CNTNAP3: variants seen among roughly 807,000 people sequenced by gnomAD.
CNTNAP3 encodes the protein contactin-associated protein-like 3.
Under a neutral mutation model 92.1 loss-of-function variants are expected in CNTNAP3, and 36 were observed. The ratio of observed to expected loss-of-function variants is 0.39; its 90% CI spans 0.30 to 0.52. The LOEUF (loss-of-function observed/expected upper bound fraction) is 0.52. Ranked by LOEUF, CNTNAP3 falls within the 20% of genes least tolerant of loss-of-function variation. The probability of loss-of-function intolerance (pLI) is 0.76; values close to 1 mark genes in which losing one functional copy is unlikely to be tolerated. For synonymous variants in CNTNAP3, 232 were observed against 422.3 expected, an observed-to-expected ratio of 0.55 and a Z score of 5.53; for missense variants, 534 against 1,069.6, an observed-to-expected ratio of 0.50 and a Z score of 6.98.
At chr9:39,130,411 A>T (rs144215995) in intron 13 of CNTNAP3, among the ~76,000 whole-genome samples, 2,730 of 151,954 alleles carry the variant, frequency 0.018, 52 homozygotes, top group East Asian at 0.11. Flanking sequence ...ATATAATTTC[A>T]TTTACATAAC....
chr9:39,159,211 C>T (rs929252056), intron 9 of CNTNAP3: 2 of 150,140 alleles, frequency 1.3e-5, no homozygotes, highest in Non-Finnish European at 3.0e-5. Flanking sequence ...CTTCCCATTT[C>T]TGTCGCTGTG....
intron 15 of CNTNAP3, among the ~76,000 whole-genome samples, chr9:39,104,840 G>T (rs1405339265): frequency 1.3e-5 from 2 of 152,144 alleles, no homozygotes; most frequent in Non-Finnish European, 1.5e-5. Context: ...GCAGCAGCAG[G>T]CAGCAATGCT....
chr9:39,094,581 C>A (rs1247002900), intron 18 of CNTNAP3, among the ~76,000 whole-genome samples: 3 of 151,480 alleles, frequency 2.0e-5, no homozygotes, highest in Non-Finnish European at 4.4e-5. Flanking sequence ...ACTTTTCCTA[C>A]CTTTATGTTG....
rs144907844 is a variant in CNTNAP3, at chr9:39,126,518, T to A, written c.2080+6414A>T. ...AAAGTAAACTGCAAACAAATATCTCTCTTGAACATGGATGAAGCAATCCTT... is the reference window on the plus strand; with the variant it reads ...AAAGTAAACTGCAAACAAATATCTCACTTGAACATGGATGAAGCAATCCTT... On this transcript the variant is annotated intron_variant, in intron 13 of 23. Transcript: ENST00000297668. Among the ~76,000 whole-genome samples, 4 of 152,266 alleles carry A rather than the reference T, an allele frequency of 2.6e-5. No homozygotes were observed. In the East Asian group the frequency reaches 7.7e-4, roughly 29 times the overall value.
In CNTNAP3 at chr9:39,079,298, C is replaced by T. The variant is rs1825874347; in HGVS notation, c.3443-378G>A. ...TCACAGCCAATAATCCGGAGGATTA[C>T]AGAAAAGCGACTCTTGGAGATGAGG... is the stretch of plus-strand genomic sequence containing the variant. On this transcript the variant is annotated intron_variant, in intron 21 of 23. Coordinates refer to ENST00000297668, the MANE Select transcript of CNTNAP3 (RefSeq NM_033655.5). Among the ~76,000 whole-genome samples the T allele has an allele frequency of 2.0e-5, 3 of 151,800 alleles. No homozygotes were observed. The South Asian group carries it at 6.3e-4, about 32-fold the overall frequency.
At chr9:39,135,468 C>G (rs1469786575) in intron 12 of CNTNAP3, among the ~76,000 whole-genome samples, 1 of 152,022 alleles carries the variant, frequency 6.6e-6, no homozygotes, top group Non-Finnish European at 1.5e-5. Flanking sequence ...GAGGCTGTCT[C>G]ACTAGCCCAG....
At chr9:39,209,705 T>G in intron 3 of CNTNAP3, among the ~76,000 whole-genome samples, 1 of 57,700 alleles carries the variant, frequency 1.7e-5, no homozygotes, top group Non-Finnish European at 3.5e-5. Flanking sequence ...CCTTCCTTCC[T>G]TCCTTCCTTC....
chr9:39,140,399 AT>A, intron 12 of CNTNAP3, 119 bp downstream of exon 12: 1 of 1,425,104 alleles, frequency 7.0e-7, no homozygotes. Context: ...ATAAATATAT[AT>A]TTAATGCTTC....
chr9:39,147,602 T>C (rs1023818529), intron 10 of CNTNAP3, among the ~76,000 whole-genome samples: 1 of 152,216 alleles, frequency 6.6e-6, no homozygotes. Context: ...TCTGCAATGA[T>C]TATTGTACAC....
intron 13 of CNTNAP3, among the ~76,000 whole-genome samples, chr9:39,126,267 G>A (rs1242557366): frequency 2.0e-5 from 3 of 152,110 alleles, no homozygotes; most frequent in Non-Finnish European, 4.4e-5. Context: ...GAAAGAGAAA[G>A]TCTCGAGAGA....
rs751780286 is a variant in CNTNAP3, at chr9:39,144,301, C to G, written c.1695G>C (p.Ser565=). The change falls in exon 11 of 24, where the codon TCG becomes TCC. Residue 565 remains serine, a synonymous_variant. Transcript: ENST00000297668. ...YCEHGGECSQ[S]WDTFSCDCLG... ...GACAGTCACAGGAGAAGGTGTCCCA[C>G]GACTGGGAACACTCGCCCCCATGCT... The G allele has an allele frequency of 1.3e-6, 2 of 1,574,502 alleles. No individual in the cohort carries two copies. The highest frequency in any genetic ancestry group is 1.7e-6 in the Non-Finnish European group (2 of 1,159,998).
Position 39,111,256 on chromosome 9 carries a change from A to G in CNTNAP3, c.2238-1969T>C, listed in dbSNP as rs529912593. Among the ~76,000 whole-genome samples the G allele has an allele frequency of 2.0e-5, 3 of 152,250 alleles. No homozygotes were observed. In the South Asian group the frequency reaches 6.2e-4, roughly 32 times the overall value. On this transcript the variant is annotated intron_variant, in intron 14 of 23. Coordinates refer to ENST00000297668, the MANE Select transcript of CNTNAP3 (RefSeq NM_033655.5). The stretch of plus-strand genomic sequence containing the variant: ...TAACTATAATTTCTCTAGTTCTATC[A>G]AATACTAGAATTTCTTTTACTTAAC...
chr9:39,117,959 C>T, intron 14 of CNTNAP3, 144 bp downstream of exon 14: 3 of 1,467,634 alleles, frequency 2.0e-6, no homozygotes, highest in Non-Finnish European at 2.8e-6. Flanking sequence ...ATTAACTGAT[C>T]ATATTTCATC....
At chr9:39,125,946 G>A (rs1165077008) in intron 13 of CNTNAP3, among the ~76,000 whole-genome samples, 2 of 152,132 alleles carry the variant, frequency 1.3e-5, no homozygotes, top group African/African-American at 4.8e-5. Flanking sequence ...AATCATTAAG[G>A]ATAGATTTGA....
intron 15 of CNTNAP3, among the ~76,000 whole-genome samples, 172 bp downstream of exon 15, chr9:39,108,986 AAC>A (rs1226347931): frequency 6.6e-6 from 1 of 152,162 alleles, no homozygotes. Context: ...TCAGTAAGGA[AAC>A]ACAGATCTTC....
intron 23 of CNTNAP3, among the ~76,000 whole-genome samples, chr9:39,076,422 T>C (rs1306761644): frequency 1.3e-5 from 2 of 152,300 alleles, no homozygotes; most frequent in Non-Finnish European, 2.9e-5. Context: ...ATATGCATTA[T>C]TGACCACATT....
rs146599628 is a variant in CNTNAP3 at position 39,118,248 on chromosome 9, G to A, written c.2092C>T (p.Leu698=). ...TTGGTTCTTCCAACCCACCAGCTCA[G>A]TGGGGTTCCATCTGAAAGACAAGTA... ...RRPDSRDGTP[L]SWWVGRTNET... Residue 698 remains leucine (L), a synonymous_variant, in exon 14 of 24, where the codon CTG becomes TTG. Transcript: ENST00000297668. 2.7e-5 allele frequency: 43 copies of A among 1,612,758 alleles called. 1 individual carries two copies. In the African/African-American group the frequency reaches 5.2e-4, roughly 20 times the overall value.
At chr9:39,132,719 A>G (rs909753195) in intron 13 of CNTNAP3, among the ~76,000 whole-genome samples, 3 of 152,142 alleles carry the variant, frequency 2.0e-5, no homozygotes, top group African/African-American at 7.2e-5. Context: ...AGTCCTGCAT[A>G]TGAACGCGCT....
At position 39,065,792 on chromosome 9, in the gene CNTNAP3, A is replaced by AT. The variant is rs1251692134; in HGVS notation, c.*8097dup. Reference sequence around the variant, plus strand: ...TTCGTCATTTTTTCTTATATTCATTATTTTCATTTTATTTTTGCTAATTAT... The same window carrying AT: ...TTCGTCATTTTTTCTTATATTCATTATTTTTCATTTTATTTTTGCTAATTAT... On this transcript the variant is annotated 3_prime_UTR_variant, in exon 24 of 24. Coordinates refer to ENST00000297668, the MANE Select transcript of CNTNAP3 (RefSeq NM_033655.5). 6.6e-6 allele frequency among the ~76,000 whole-genome samples: 1 copy of AT among 152,086 alleles called. No individual in the cohort carries two copies. The highest frequency in any genetic ancestry group is 1.5e-5 in the Non-Finnish European group (1 of 68,018).
Sources: gnomAD v4.1 joint callset for allele counts (sites outside exome capture counted in the v4.1 genomes callset) on GRCh38, gnomAD v4.1.1 for gene constraint, MANE v1.5 for transcripts, NCBI Gene and HGNC (gene_info 2026-07-23, HGNC 2026-07-21) for gene names.